PDE11A: variants seen among roughly 807,000 people sequenced by gnomAD.
The protein encoded by PDE11A is phosphodiesterase 11A, also known as dual 3',5'-cyclic-AMP and -GMP phosphodiesterase 11A.
In PDE11A, 100 loss-of-function variants were observed where a neutral mutation model predicts 100.5. The ratio of observed to expected loss-of-function variants is 1.00; its 90% CI spans 0.85 to 1.18. The LOEUF (loss-of-function observed/expected upper bound fraction) is 1.18. Ranked by LOEUF, PDE11A falls within the 50% of genes most tolerant of loss-of-function variation. PDE11A has a pLI of 0.00. For missense variants in PDE11A, 1,141 were observed against 1,152.6 expected (o/e 0.99, Z 0.15); for synonymous variants, 381 against 420.8 (o/e 0.91, Z 1.16).
chr2:177,961,793 T>C lies in PDE11A; in HGVS notation c.1071+52509A>G, dbSNP rs538028316. On this transcript the variant is annotated intron_variant, in intron 2 of 19. Coordinates refer to ENST00000286063, the MANE Select transcript of PDE11A (RefSeq NM_016953.4). ...CCATTAATATAAAAATGTTTGTCTA[T>C]GTAGGCCGGGCATAGTGATTCATGC... Among the ~76,000 whole-genome samples the C allele has an allele frequency of 6.8e-4, 104 of 152,142 alleles. No individual in the cohort carries two copies. In the Middle Eastern group the frequency reaches 0.01, roughly 15 times the overall value.
chr2:177,826,662 A>T (rs1279644904), intron 6 of PDE11A, among the ~76,000 whole-genome samples: 1 of 152,250 alleles, frequency 6.6e-6, no homozygotes, highest in African/African-American at 2.4e-5. Flanking sequence ...CTGCCCATGC[A>T]GCAAAGTCTG....
chr2:178,097,119 C>T (rs2087502639), intron 2 of PDE11A, among the ~76,000 whole-genome samples: 1 of 152,152 alleles, frequency 6.6e-6, no homozygotes, highest in South Asian at 2.1e-4. Flanking sequence ...ATCTCCTGAC[C>T]TCATGATCCA....
chr2:177,803,189 T>C (rs929671922), intron 9 of PDE11A, among the ~76,000 whole-genome samples: 7 of 151,612 alleles, frequency 4.6e-5, no homozygotes, highest in Non-Finnish European at 8.9e-5. Flanking sequence ...GAAGCTCAGA[T>C]AGAATAAGAT....
intron 5 of PDE11A, among the ~76,000 whole-genome samples, chr2:177,844,678 C>T (rs1405923611): frequency 6.6e-6 from 1 of 151,500 alleles, no homozygotes; most frequent in East Asian, 1.9e-4. Context: ...AGGCAGAGGA[C>T]CCTGCGGCCT....
chr2:178,075,349 C>T (rs535976937), upstream of PDE11A, among the ~76,000 whole-genome samples: 90 of 152,020 alleles, frequency 5.9e-4, no homozygotes, highest in African/African-American at 2.1e-3. Context: ...GGTCAAGAAT[C>T]GAGACCAGCC....
chr2:178,025,236 G>T (rs1056934811), intron 1 of PDE11A, among the ~76,000 whole-genome samples: 1 of 152,198 alleles, frequency 6.6e-6, no homozygotes, highest in Non-Finnish European at 1.5e-5. Flanking sequence ...AAGTGGTGTA[G>T]TTGGAATTGG....
intron 3 of PDE11A, among the ~76,000 whole-genome samples, chr2:177,901,252 C>A (rs1230153644): frequency 6.6e-6 from 1 of 151,998 alleles, no homozygotes; most frequent in Non-Finnish European, 1.5e-5. Flanking sequence ...TTGTGACCCC[C>A]CCCATCCATG....
chr2:177,924,999 G>A (rs559392423), intron 2 of PDE11A, among the ~76,000 whole-genome samples: 1,601 of 149,802 alleles, frequency 0.011, 28 homozygotes, highest in African/African-American at 0.037. Flanking sequence ...TTGTTCTTGC[G>A]ATAGTTTACT....
intron 5 of PDE11A, among the ~76,000 whole-genome samples, chr2:177,861,418 A>G (rs1234866689): frequency 6.6e-6 from 1 of 151,858 alleles, no homozygotes; most frequent in African/African-American, 2.4e-5. Flanking sequence ...GCTGAAAGAA[A>G]TTAAAGAAGA....
chr2:178,043,114 CTATTA>C (rs1345173650), intron 1 of PDE11A, among the ~76,000 whole-genome samples: 37 of 152,090 alleles, frequency 2.4e-4, no homozygotes, highest in African/African-American at 8.9e-4. Flanking sequence ...GTCTTATATA[CTATTA>C]TATTATATCT....
chr2:177,815,480 G>T (rs532287070), intron 9 of PDE11A, among the ~76,000 whole-genome samples: 1 of 152,216 alleles, frequency 6.6e-6, no homozygotes, highest in South Asian at 2.1e-4. Context: ...ACTATAAAAA[G>T]ATATTACATA....
intron 1 of PDE11A, among the ~76,000 whole-genome samples, chr2:178,069,075 CAG>C (rs1406917707): frequency 6.6e-6 from 1 of 152,038 alleles, no homozygotes; most frequent in East Asian, 1.9e-4. Context: ...ATAAGGTAAA[CAG>C]AAAGAAAAAG....
At chr2:177,718,893 A>G (rs754283034) in intron 12 of PDE11A, among the ~76,000 whole-genome samples, 23 of 152,320 alleles carry the variant, frequency 1.5e-4, no homozygotes, top group Non-Finnish European at 2.8e-4. Flanking sequence ...GTGTCCATTC[A>G]TTCATTGAAC....
At chr2:178,087,164 C>G (rs1247484800) in intron 2 of PDE11A, among the ~76,000 whole-genome samples, 1 of 151,974 alleles carries the variant, frequency 6.6e-6, no homozygotes, top group African/African-American at 2.4e-5. Flanking sequence ...AACAGCCTGA[C>G]CAACATGGTG....
chr2:177,643,297 T>C (rs534413164), intron 19 of PDE11A, among the ~76,000 whole-genome samples: 1 of 152,182 alleles, frequency 6.6e-6, no homozygotes, highest in Non-Finnish European at 1.5e-5. Context: ...CTGACCAAAA[T>C]GCTGATAATG....
Position 178,105,642 on chromosome 2 carries a change from T to A in PDE11A, c.-13-1166A>T, listed in dbSNP as rs555080971. The A allele has an allele frequency of 1.1e-5, 6 of 541,880 alleles. No individual in the cohort carries two copies. In the South Asian group the frequency reaches 3.3e-4, roughly 30 times the overall value. 33.6% of individuals were successfully genotyped at this position (541,880 alleles called of 1,614,324 possible). On this transcript the variant is annotated intron_variant, in intron 1 of 20. Transcript: ENST00000358450. Reference sequence around the variant, plus strand: ...ATCAAAAAATTGTACTTTATCGATGTCTCAGGAGGTTCTCCATGGTGGTAC... The same window carrying A: ...ATCAAAAAATTGTACTTTATCGATGACTCAGGAGGTTCTCCATGGTGGTAC...
At chr2:177,804,076 T>A (rs2082831383) in intron 9 of PDE11A, among the ~76,000 whole-genome samples, 1 of 151,620 alleles carries the variant, frequency 6.6e-6, no homozygotes, top group East Asian at 1.9e-4. Flanking sequence ...GACCAAGCCC[T>A]CAAAAGCAAA....
chr2:177,667,348 C>T (rs758396680), intron 18 of PDE11A, among the ~76,000 whole-genome samples: 2 of 152,116 alleles, frequency 1.3e-5, no homozygotes, highest in South Asian at 2.1e-4. Context: ...AAGATTTATA[C>T]CTATATTTTC....
chr2:177,948,091 A>G (rs1285597322), intron 2 of PDE11A, among the ~76,000 whole-genome samples: 1 of 152,056 alleles, frequency 6.6e-6, no homozygotes, highest in African/African-American at 2.4e-5. Context: ...GTATATGTAT[A>G]CACTACGTTT....
Sources: allele counts gnomAD v4.1 joint callset (sites outside exome capture counted in the v4.1 genomes callset), GRCh38; gene constraint gnomAD v4.1.1; transcripts MANE v1.5; gene names NCBI Gene and HGNC (gene_info 2026-07-23, HGNC 2026-07-21).